EPM2A: variants seen among roughly 807,000 people sequenced by gnomAD.
EPM2A encodes the protein EPM2A glucan phosphatase, laforin.
EPM2A carries 21 observed loss-of-function variants against 26.5 expected under a neutral mutation model. The ratio of observed to expected loss-of-function variants is 0.79; its 90% CI spans 0.56 to 1.14. The LOEUF (loss-of-function observed/expected upper bound fraction) is 1.14, where lower values mean the gene tolerates loss of function less well. Ranked by LOEUF, EPM2A falls within the 50% of genes most tolerant of loss-of-function variation. EPM2A has a pLI of 0.00. For missense variants in EPM2A, 458 were observed against 440.8 expected, an observed-to-expected ratio of 1.04 and a Z score of -0.35; for synonymous variants, 217 against 177.6, an observed-to-expected ratio of 1.22 and a Z score of -1.76.
At chr6:145,620,946 G>A (rs996652278), downstream of EPM2A, among the ~76,000 whole-genome samples, 2 of 152,008 alleles carry the variant, frequency 1.3e-5, no homozygotes, top group African/African-American at 4.8e-5. Context: ...CCTTTTTTAT[G>A]GTGAGGACAC....
chr6:145,492,325 A>G lies in EPM2A; in HGVS notation c.555+10197T>C, dbSNP rs145533546. On this transcript the variant is annotated intron_variant, in intron 4 of 4. Coordinates refer to the EPM2A transcript ENST00000638717. The stretch of plus-strand genomic sequence containing the variant: ...GTGAGTGCTTTTGGGTGCCGGCAGG[A>G]GCAAAATTCTGTGCGGCCCCCACAG... 8.2e-4 allele frequency among the ~76,000 whole-genome samples: 125 copies of G among 152,094 alleles called. 1 individual carries two copies. Among genetic ancestry groups the G allele is most frequent in the Non-Finnish European group, 1.0e-4 (7 of 67,994 alleles).
chr6:145,430,387 G>A (rs774503207), intron 4 of EPM2A, among the ~76,000 whole-genome samples: 10 of 152,054 alleles, frequency 6.6e-5, no homozygotes, highest in East Asian at 1.9e-4. Context: ...ATCACCTGAG[G>A]TCAGGAATTC....
rs558285047 is a variant in EPM2A at position 145,530,969 on chromosome 6, T to C, written c.341-28394A>G. Among the ~76,000 whole-genome samples, 24 of 152,276 alleles carry C rather than the reference T, an allele frequency of 1.6e-4. No homozygotes were observed. The East Asian group carries it at 4.6e-3, about 29-fold the overall frequency. On this transcript the variant is annotated intron_variant, in intron 2 of 3. Transcript: ENST00000450221. ...TGTAAAAAGTATATAACTAAATCTT[T>C]CCTTGATCCCACACCTCTCTATAGC...
intron 1 of EPM2A, among the ~76,000 whole-genome samples, chr6:145,708,781 G>A (rs545180809): frequency 5.9e-5 from 9 of 152,154 alleles, no homozygotes; most frequent in African/African-American, 2.2e-4. Flanking sequence ...GTTAGAAGAG[G>A]GCCACAAACC....
At chr6:145,396,130 C>A (rs1778402343) in intron 4 of EPM2A, among the ~76,000 whole-genome samples, 1 of 152,134 alleles carries the variant, frequency 6.6e-6, no homozygotes, top group Non-Finnish European at 1.5e-5. Flanking sequence ...GCTCCTCAAG[C>A]AATAGTCATT....
At chr6:145,709,082 T>C (rs569862565) in intron 1 of EPM2A, among the ~76,000 whole-genome samples, 115 of 152,320 alleles carry the variant, frequency 7.5e-4, no homozygotes, top group Admixed American at 2.9e-3. Flanking sequence ...TGCATCCCCA[T>C]TGTATCTGAG....
chr6:145,732,860 C>T (rs1776569493), intron 1 of EPM2A, among the ~76,000 whole-genome samples: 1 of 152,192 alleles, frequency 6.6e-6, no homozygotes, highest in African/African-American at 2.4e-5. Context: ...CTTGTAAGTT[C>T]TTAATATATA....
At chr6:145,413,707 T>C (rs1170729975) in intron 4 of EPM2A, among the ~76,000 whole-genome samples, 2 of 152,222 alleles carry the variant, frequency 1.3e-5, no homozygotes, top group East Asian at 1.9e-4. Context: ...TTTTCTTATA[T>C]TGAGTGAAAA....
chr6:145,716,257 C>T (rs893793216), intron 1 of EPM2A, among the ~76,000 whole-genome samples: 1 of 152,166 alleles, frequency 6.6e-6, no homozygotes, highest in Non-Finnish European at 1.5e-5. Context: ...CTAAAAACCA[C>T]TGAACTGTGC....
intron 1 of EPM2A, among the ~76,000 whole-genome samples, chr6:145,732,886 T>C (rs893870889): frequency 6.6e-6 from 1 of 152,236 alleles, no homozygotes; most frequent in Non-Finnish European, 1.5e-5. Context: ...TTCTACAAAA[T>C]ACAGTTCATT....
intron 2 of EPM2A, among the ~76,000 whole-genome samples, chr6:145,611,635 A>G (rs1231329109): frequency 6.6e-6 from 1 of 152,078 alleles, no homozygotes; most frequent in African/African-American, 2.4e-5. Context: ...ATTGTCTGCA[A>G]TTTTCTCTGG....
chr6:145,722,826 G>T, intron 1 of EPM2A: 1 of 441,480 alleles, frequency 2.3e-6, no homozygotes, highest in South Asian at 1.6e-5. Flanking sequence ...AAAAAGAGAA[G>T]ATGGTGTTAA....
intron 4 of EPM2A, among the ~76,000 whole-genome samples, chr6:145,462,111 C>T (rs1309079389): frequency 6.6e-6 from 1 of 152,290 alleles, no homozygotes; most frequent in African/African-American, 2.4e-5. Flanking sequence ...AGTACATATT[C>T]ACTACCATTA....
At chr6:145,413,744 G>A (rs911141659) in intron 4 of EPM2A, among the ~76,000 whole-genome samples, 12 of 152,026 alleles carry the variant, frequency 7.9e-5, no homozygotes, top group Admixed American at 5.9e-4. Flanking sequence ...TCTATCTCTT[G>A]GCCATAGTTA....
intron 4 of EPM2A, among the ~76,000 whole-genome samples, chr6:145,404,487 AC>A (rs1228719361): frequency 2.0e-5 from 3 of 151,952 alleles, no homozygotes; most frequent in African/African-American, 7.2e-5. Context: ...AAGGGCATAT[AC>A]CCTGAAAAAT....
chr6:145,560,646 T>C (rs1172018375), intron 2 of EPM2A, among the ~76,000 whole-genome samples: 1 of 152,154 alleles, frequency 6.6e-6, no homozygotes, highest in Non-Finnish European at 1.5e-5. Flanking sequence ...GGTTGGAAAC[T>C]TTATGAAACA....
At chr6:145,620,145 C>T (rs1775601482) in intron 2 of EPM2A, among the ~76,000 whole-genome samples, 1 of 152,136 alleles carries the variant, frequency 6.6e-6, no homozygotes. Flanking sequence ...GAACCAGGGA[C>T]CAGTTTTGTG....
intron 2 of EPM2A, among the ~76,000 whole-genome samples, chr6:145,584,499 G>A (rs1052711226): frequency 9.2e-5 from 14 of 152,114 alleles, no homozygotes; most frequent in Admixed American, 5.9e-4. Flanking sequence ...GATGGGCATC[G>A]CTGGCCATGC....
chr6:145,424,368 T>C (rs1017142477), intron 4 of EPM2A, among the ~76,000 whole-genome samples: 4 of 152,210 alleles, frequency 2.6e-5, no homozygotes, highest in South Asian at 2.1e-4. Context: ...ATAGCATTAA[T>C]TGGAAATTTT....
Sources: allele counts gnomAD v4.1 joint callset (sites outside exome capture counted in the v4.1 genomes callset), GRCh38; gene constraint gnomAD v4.1.1; transcripts MANE v1.5; gene names NCBI Gene and HGNC (gene_info 2026-07-23, HGNC 2026-07-21).